SLC19A1: variants seen among roughly 807,000 people sequenced by gnomAD.
SLC19A1 encodes solute carrier family 19 member 1.
SLC19A1 carries 37 observed loss-of-function variants against 35.3 expected under a neutral mutation model. That is an observed-to-expected ratio of 1.05 (90% confidence interval 0.81 to 1.38). The LOEUF (loss-of-function observed/expected upper bound fraction) is 1.38, where lower values mean the gene tolerates loss of function less well. Ranked by LOEUF, SLC19A1 falls within the 40% of genes most tolerant of loss-of-function variation. The pLI, the probability that SLC19A1 is intolerant of heterozygous loss-of-function variation, is 0.00. For missense variants in SLC19A1, 831 were observed against 826.9 expected (o/e 1.00, Z -0.06); for synonymous variants, 460 against 398.5 (o/e 1.15, Z -1.84).
chr21:45,526,725 T>C (rs1158529099), intron 4 of SLC19A1, among the ~76,000 whole-genome samples: 1 of 152,216 alleles, frequency 6.6e-6, no homozygotes, highest in Non-Finnish European at 1.5e-5. Context: ...GCACGCGCCA[T>C]CATGCCCAGC....
downstream of SLC19A1, among the ~76,000 whole-genome samples, chr21:45,508,316 T>G (rs1290969025): frequency 1.4e-5 from 2 of 147,418 alleles, no homozygotes; most frequent in East Asian, 4.0e-4. Context: ...GCTGGACAGG[T>G]GGGTGAGTGG....
intron 3 of SLC19A1, chr21:45,504,419 G>C: frequency 6.2e-7 from 1 of 1,611,690 alleles, no homozygotes; most frequent in Non-Finnish European, 8.5e-7. Context: ...TCCACAGGGG[G>C]AGAAGGGAGA....
downstream of SLC19A1, chr21:45,509,308 C>A: frequency 1.3e-6 from 2 of 1,535,270 alleles, no homozygotes; most frequent in Admixed American, 3.9e-5. Context: ...GGAGGAGGGG[C>A]ACCCGGAGGG....
chr21:45,512,038 G>T (rs1177466227), downstream of SLC19A1: 6 of 811,080 alleles, frequency 7.4e-6, no homozygotes, highest in Non-Finnish European at 1.0e-5. Flanking sequence ...CAGCAGGGAG[G>T]CCATGTGGCC....
chr21:45,512,987 G>C lies in SLC19A1; in HGVS notation c.*2671C>G, dbSNP rs1350660863. On this transcript the variant is annotated 3_prime_UTR_variant, in exon 6 of 6. Transcript: ENST00000311124. ...TGGGCCATTCTCCACAGCAACCCCA[G>C]GCTGAAGCAGGTTCCCAAGCTCAGA... is the stretch of plus-strand genomic sequence containing the variant. 1 of 162,418 alleles carries C rather than the reference G, an allele frequency of 6.2e-6. No homozygotes were observed. The highest frequency in any genetic ancestry group is 5.7e-5 in the Admixed American group (1 of 17,572). 10.1% of individuals were successfully genotyped at this position (162,418 alleles called of 1,614,324 possible).
chr21:45,520,787 G>A (rs2077414081), intron 5 of SLC19A1, among the ~76,000 whole-genome samples: 1 of 152,176 alleles, frequency 6.6e-6, no homozygotes, highest in Admixed American at 6.5e-5. Context: ...TTGGGAGGCT[G>A]AGGCGGGTGG....
chr21:45,530,958 G>T lies in SLC19A1; in HGVS notation c.963C>A (p.Ser321=). The stretch of plus-strand genomic sequence containing the variant: ...GGATCTTCACGAAGCCCGCGGCGAA[G>T]GACGTGATGGCGCCTGAGAGGGGAG... ...AASTLLGAIT[S]FAAGFVKIRW... The change falls in exon 4 of 6, where the codon TCC becomes TCA. Residue 321 remains serine (S), a synonymous_variant. Coordinates refer to ENST00000311124, the MANE Select transcript of SLC19A1 (RefSeq NM_194255.4). The surrounding 1 kb of genome is among the most constrained non-coding windows in gnomAD (Gnocchi z 5.3). The T allele has an allele frequency of 6.9e-7, 1 of 1,449,850 alleles. No individual in the cohort carries two copies. Among genetic ancestry groups the T allele is most frequent in the South Asian group, 1.4e-5 (1 of 69,044 alleles). 89.8% of individuals were successfully genotyped at this position (1,449,850 alleles called of 1,614,324 possible).
downstream of SLC19A1, among the ~76,000 whole-genome samples, chr21:45,508,748 A>G (rs1363441453): frequency 2.0e-5 from 3 of 152,072 alleles, no homozygotes; most frequent in African/African-American, 7.2e-5. Flanking sequence ...GCCAGTCAAT[A>G]GTCATGGCCC....
In SLC19A1 at chr21:45,527,661, C is replaced by T. The variant is rs1368058452; in HGVS notation, c.1152-1703G>A. ...GGAGGTGAGTGGCAGTCAGTTACTG[C>T]GGGCCCTGGAGGTGAGTGGCAGCCA... On this transcript the variant is annotated intron_variant, in intron 4 of 5. Coordinates refer to ENST00000311124, the MANE Select transcript of SLC19A1 (RefSeq NM_194255.4). Among the ~76,000 whole-genome samples, 3 of 53,092 alleles carry T rather than the reference C, an allele frequency of 5.7e-5. 1 individual carries two copies. Among genetic ancestry groups the T allele is most frequent in the African/African-American group, 2.3e-4 (3 of 13,270 alleles). The allele number at this position is 53,092 out of a possible 152,430, so 34.8% of individuals were successfully genotyped here.
downstream of SLC19A1, among the ~76,000 whole-genome samples, chr21:45,508,455 A>ATGGGTGGATGGACAGGTGGG (rs1362360684): frequency 2.2e-4 from 26 of 120,364 alleles, no homozygotes; most frequent in Non-Finnish European, 4.4e-4. Context: ...GGGTGAGTGG[A>ATGGGTGGATGGACAGGTGGG]TGGGTGGATG....
At chr21:45,502,992 T>C (rs2036944925) in intron 3 of SLC19A1, 1 of 152,106 alleles carries the variant, frequency 6.6e-6, no homozygotes, top group Non-Finnish European at 1.5e-5. Context: ...AAATGAAGTT[T>C]TAAAAAGGCA....
chr21:45,512,131 C>T (rs1310616232), downstream of SLC19A1: 315 of 1,546,932 alleles, frequency 2.0e-4, 1 homozygote, highest in South Asian at 2.3e-3. Flanking sequence ...CGGGGAGCGG[C>T]CTCTGCCCTA....
downstream of SLC19A1, among the ~76,000 whole-genome samples, chr21:45,511,672 C>A (rs927767462): frequency 6.6e-6 from 1 of 152,116 alleles, no homozygotes; most frequent in Non-Finnish European, 1.5e-5. Flanking sequence ...GTGCCCTCCC[C>A]ACGTGAGCGC....
rs796728014 is a variant in SLC19A1 at position 45,553,609 on chromosome 21, C to G, written c.-50+9133G>C. Among the ~76,000 whole-genome samples, 161 of 147,854 alleles carry G rather than the reference C, an allele frequency of 1.1e-3. 1 individual carries two copies. Among genetic ancestry groups the G allele is most frequent in the African/African-American group, 3.8e-3 (149 of 39,720 alleles). ...CAAAACTGAAGCTCTGCACCCAAGA[C>G]ACACTCACCCCCAATCCCCCCGCGC... is the stretch of plus-strand genomic sequence containing the variant. On this transcript the variant is annotated intron_variant, in intron 1 of 5. Transcript: ENST00000650808.
intron 1 of SLC19A1, among the ~76,000 whole-genome samples, chr21:45,558,962 C>G (rs939246101): frequency 2.6e-5 from 4 of 151,996 alleles, no homozygotes; most frequent in African/African-American, 9.7e-5. Context: ...GTGCACACCA[C>G]CACGCCCAGC....
chr21:45,509,894 G>C (rs1212123714), downstream of SLC19A1, among the ~76,000 whole-genome samples: 1 of 152,188 alleles, frequency 6.6e-6, no homozygotes, highest in East Asian at 1.9e-4. Context: ...TGACCTGGCA[G>C]CGTATGGGGG....
At chr21:45,542,138 G>A (rs1377228934) in intron 1 of SLC19A1, among the ~76,000 whole-genome samples, 1 of 53,148 alleles carries the variant, frequency 1.9e-5, no homozygotes, top group Non-Finnish European at 3.6e-5. Context: ...CGCAGACCCC[G>A]GCCCACGCCC....
In SLC19A1 at chr21:45,515,077, C is replaced by T. The variant is rs2037824037; in HGVS notation, c.*581G>A. 4 of 1,546,492 alleles carry T rather than the reference C, an allele frequency of 2.6e-6. No individual in the cohort carries two copies. Among genetic ancestry groups the T allele is most frequent in the South Asian group, 2.4e-5 (2 of 83,324 alleles). On this transcript the variant is annotated 3_prime_UTR_variant, in exon 6 of 6. Transcript: ENST00000311124. The stretch of plus-strand genomic sequence containing the variant: ...CGAGGACCAGAGCCGCTGCTCCCCT[C>T]TGATGACAATGTGTCTGCCGCCAAC...
chr21:45,532,251 A>G, intron 2 of SLC19A1, 103 bp from the exon 3 acceptor site: 1 of 929,318 alleles, frequency 1.1e-6, no homozygotes, highest in Admixed American at 2.3e-5. Flanking sequence ...TCCTGCCCCA[A>G]CACTGCCTGG....
Sources: allele counts gnomAD v4.1 joint callset (sites outside exome capture counted in the v4.1 genomes callset), GRCh38; gene constraint gnomAD v4.1.1; non-coding constraint Gnocchi (gnomAD v3.1); transcripts MANE v1.5; gene names NCBI Gene and HGNC (gene_info 2026-07-23, HGNC 2026-07-21).